Variants in TBC1D22A observed in about 807,000 individuals in gnomAD.
The protein encoded by TBC1D22A is TBC1 domain family member 22A, also known as putative GTPase activator.
Under a neutral mutation model 60.2 loss-of-function variants are expected in TBC1D22A, and 38 were observed. That is an observed-to-expected ratio of 0.63 (90% CI 0.49 to 0.83). TBC1D22A has a LOEUF of 0.83. Among genes scored for constraint, TBC1D22A ranks in the 40% least tolerant of loss-of-function variants. TBC1D22A has a pLI of 0.00. For synonymous variants in TBC1D22A, 302 were observed against 281.7 expected (o/e 1.07, Z -0.72); for missense variants, 628 against 701.0 (o/e 0.90, Z 1.18).
intron 4 of TBC1D22A, among the ~76,000 whole-genome samples, chr22:46,830,587 T>C (rs1038413922): frequency 1.3e-5 from 2 of 152,144 alleles, no homozygotes; most frequent in Non-Finnish European, 2.9e-5. Flanking sequence ...GCCAGGACAG[T>C]GTGTGTCACA....
chr22:47,101,168 GT>G (rs2065399536), intron 11 of TBC1D22A, among the ~76,000 whole-genome samples: 1 of 152,210 alleles, frequency 6.6e-6, no homozygotes, highest in Non-Finnish European at 1.5e-5. Context: ...AATAAAAATT[GT>G]CAAAGTGTTC....
chr22:47,035,640 A>T (rs79957466), intron 10 of TBC1D22A, among the ~76,000 whole-genome samples: 1 of 152,166 alleles, frequency 6.6e-6, no homozygotes, highest in African/African-American at 2.4e-5. Context: ...GGTTTAGGGG[A>T]GGAGGGTGAC....
At chr22:46,941,348 T>TAGAATATATATACAGAATATATATAC (rs1182148598) in intron 8 of TBC1D22A, among the ~76,000 whole-genome samples, 3,261 of 93,474 alleles carry the variant, frequency 0.035, 560 homozygotes, top group African/African-American at 0.11. Context: ...TATATATATA[T>TAGAATATATATACAGAATATATATAC]AGAATATATA....
chr22:47,091,066 G>C (rs1455887463), intron 11 of TBC1D22A, among the ~76,000 whole-genome samples: 6 of 146,088 alleles, frequency 4.1e-5, no homozygotes, highest in Non-Finnish European at 7.5e-5. Context: ...CCTCGCAGAG[G>C]GGGTGGCTGC....
intron 10 of TBC1D22A, among the ~76,000 whole-genome samples, chr22:47,031,849 C>A (rs2062484646): frequency 6.6e-6 from 1 of 152,158 alleles, no homozygotes; most frequent in Non-Finnish European, 1.5e-5. Flanking sequence ...GGCTCCTTCT[C>A]CTCAAGTCAG....
At position 46,836,218 on chromosome 22, in the gene TBC1D22A, A is replaced by G. The variant is rs1426714346; in HGVS notation, c.637+38598A>G. ...TGGTGTGTAAATCACAGTTAACGCC[A>G]GTATAAAAGTTAAACACCAAAAATA... is the stretch of plus-strand genomic sequence containing the variant. On this transcript the variant is annotated intron_variant, in intron 4 of 12. Transcript: ENST00000337137. Among the ~76,000 whole-genome samples, 4 of 152,266 alleles carry G rather than the reference A, an allele frequency of 2.6e-5. No individual in the cohort carries two copies. The East Asian group carries it at 7.7e-4, about 29-fold the overall frequency.
intron 7 of TBC1D22A, among the ~76,000 whole-genome samples, chr22:46,901,416 C>T (rs1359071170): frequency 2.6e-5 from 4 of 152,154 alleles, no homozygotes; most frequent in Non-Finnish European, 5.9e-5. Flanking sequence ...GTTCTTTGGA[C>T]ATAAGGAAAC....
At chr22:46,848,332 CAG>C (rs1327360696) in intron 4 of TBC1D22A, among the ~76,000 whole-genome samples, 1 of 152,182 alleles carries the variant, frequency 6.6e-6, no homozygotes. Context: ...CCCGAGAGAA[CAG>C]GGAAGGAGTG....
intron 8 of TBC1D22A, among the ~76,000 whole-genome samples, chr22:46,952,678 G>A (rs930190924): frequency 2.0e-5 from 3 of 152,208 alleles, no homozygotes; most frequent in South Asian, 2.1e-4. Flanking sequence ...AGTGCTGGAG[G>A]CAGAGGCAGC....
intron 10 of TBC1D22A, among the ~76,000 whole-genome samples, chr22:47,022,236 C>G (rs182138312): frequency 6.6e-6 from 1 of 152,328 alleles, no homozygotes; most frequent in African/African-American, 2.4e-5. Context: ...GGAGCTGACT[C>G]ACTCTGCTGC....
intron 10 of TBC1D22A, among the ~76,000 whole-genome samples, chr22:47,030,802 A>C (rs370761705): frequency 6.6e-6 from 1 of 152,230 alleles, no homozygotes; most frequent in Non-Finnish European, 1.5e-5. Flanking sequence ...CGGCATGTAC[A>C]TTTGCAGCTT....
chr22:47,047,141 G>A (rs559314616), intron 11 of TBC1D22A, among the ~76,000 whole-genome samples: 4 of 152,312 alleles, frequency 2.6e-5, no homozygotes, highest in Admixed American at 6.5e-5. Flanking sequence ...TTCTTAGTGC[G>A]AGGGTGTGGC....
At chr22:47,148,142 A>G (rs995716656) in intron 12 of TBC1D22A, among the ~76,000 whole-genome samples, 2 of 152,128 alleles carry the variant, frequency 1.3e-5, no homozygotes, top group Admixed American at 1.3e-4. Flanking sequence ...GGCAAAATAA[A>G]TTTTAAAAAA....
chr22:47,170,811 C>T (rs1325182530), intron 12 of TBC1D22A, among the ~76,000 whole-genome samples: 3 of 100,758 alleles, frequency 3.0e-5, no homozygotes, highest in African/African-American at 4.2e-5. Context: ...GATGCAGGAC[C>T]GGAGAGAGGG....
In TBC1D22A at chr22:47,050,933, A is replaced by G. The variant is rs1266119932; in HGVS notation, c.1329+13735A>G. Among the ~76,000 whole-genome samples, 3 of 152,042 alleles carry G rather than the reference A, an allele frequency of 2.0e-5. No individual in the cohort carries two copies. The East Asian group carries it at 5.8e-4, about 29-fold the overall frequency. On this transcript the variant is annotated intron_variant, in intron 11 of 12. Coordinates refer to ENST00000337137, the MANE Select transcript of TBC1D22A (RefSeq NM_014346.5). The stretch of plus-strand genomic sequence containing the variant: ...CTGGATGAGGAGGGCGGCCACACCA[A>G]TGCGGTGGAGGGAGCAGGGGGTGGC...
At chr22:46,806,207 C>T (rs889882617) in intron 4 of TBC1D22A, among the ~76,000 whole-genome samples, 4 of 152,134 alleles carry the variant, frequency 2.6e-5, no homozygotes, top group African/African-American at 9.7e-5. Context: ...GTGTGGAAAA[C>T]GTAGTATAGA....
At chr22:46,788,834 CCCTT>C (rs2084279052) in intron 1 of TBC1D22A, 1 of 152,128 alleles carries the variant, frequency 6.6e-6, no homozygotes, top group Non-Finnish European at 1.5e-5. Context: ...TCATAACAAA[CCCTT>C]CAAGGGGCCA....
intron 12 of TBC1D22A, among the ~76,000 whole-genome samples, chr22:47,145,544 C>T (rs963796176): frequency 3.9e-5 from 6 of 152,152 alleles, no homozygotes; most frequent in Admixed American, 3.9e-4. Context: ...ACAAAAGCAT[C>T]GTCATATGAA....
chr22:47,156,499 G>A (rs560878492), intron 12 of TBC1D22A, among the ~76,000 whole-genome samples: 122 of 152,282 alleles, frequency 8.0e-4, no homozygotes, highest in Non-Finnish European at 1.3e-3. Flanking sequence ...GGGTGTGGAG[G>A]ACACCTCACA....
Sources: gnomAD v4.1 joint callset for allele counts (sites outside exome capture counted in the v4.1 genomes callset) on GRCh38, gnomAD v4.1.1 for gene constraint, MANE v1.5 for transcripts, NCBI Gene and HGNC (gene_info 2026-07-23, HGNC 2026-07-21) for gene names.